Variants in EPM2A observed in about 807,000 individuals in gnomAD.
EPM2A encodes the protein EPM2A glucan phosphatase, laforin.
In EPM2A, 21 loss-of-function variants were observed where a neutral mutation model predicts 26.5. The ratio of observed to expected loss-of-function variants is 0.79; its 90% CI spans 0.56 to 1.14. EPM2A has a LOEUF of 1.14. Ranked by LOEUF, EPM2A falls within the 50% of genes most tolerant of loss-of-function variation. The pLI is 0.00. For synonymous variants in EPM2A, 217 were observed against 177.6 expected (o/e 1.22, Z -1.76); for missense variants, 458 against 440.8 (o/e 1.04, Z -0.35).
At chr6:145,539,688 A>G (rs951550993) in intron 2 of EPM2A, among the ~76,000 whole-genome samples, 2 of 152,230 alleles carry the variant, frequency 1.3e-5, no homozygotes, top group Non-Finnish European at 2.9e-5. Context: ...TCCAAAGAAG[A>G]AACAAGATAA....
intron 2 of EPM2A, among the ~76,000 whole-genome samples, chr6:145,561,515 A>C (rs1562382806): frequency 6.6e-6 from 1 of 152,170 alleles, no homozygotes; most frequent in Non-Finnish European, 1.5e-5. Context: ...CACTGGAACA[A>C]AACAAGGGAA....
rs951048264 is a variant in EPM2A at position 145,449,380 on chromosome 6, T to C, written c.555+53142A>G. ...CAACCAGATGCCCCCTTCAATGTAG[T>C]CTTATTTTTATTTACACAGAAAAGT... On this transcript the variant is annotated intron_variant, in intron 4 of 4. Coordinates refer to the EPM2A transcript ENST00000638717. 1.2e-4 allele frequency among the ~76,000 whole-genome samples: 18 copies of C among 152,198 alleles called. 1 individual carries two copies. Among genetic ancestry groups the C allele is most frequent in the African/African-American group, 3.6e-4 (15 of 41,450 alleles).
chr6:145,498,831 A>T (rs1307854353), downstream of EPM2A, among the ~76,000 whole-genome samples: 1 of 152,182 alleles, frequency 6.6e-6, no homozygotes. Flanking sequence ...CCACTCCATC[A>T]GAGTTTCTTT....
intron 2 of EPM2A, among the ~76,000 whole-genome samples, chr6:145,509,046 T>A (rs1605805): frequency 0.092 from 13,977 of 152,002 alleles, 788 homozygotes; most frequent in East Asian, 0.17. Context: ...GAAGAAAAAA[T>A]TATTTTTAAA....
At chr6:145,465,359 T>C (rs1018440324) in intron 4 of EPM2A, among the ~76,000 whole-genome samples, 1 of 151,198 alleles carries the variant, frequency 6.6e-6, no homozygotes, top group Non-Finnish European at 1.5e-5. Context: ...GTTATTCTAG[T>C]TATACATTCT....
At chr6:145,430,443 T>C (rs1049712261) in intron 4 of EPM2A, among the ~76,000 whole-genome samples, 7 of 150,386 alleles carry the variant, frequency 4.7e-5, no homozygotes, top group African/African-American at 1.7e-4. Context: ...CTACTAAAAA[T>C]ACAAAAACTT....
At chr6:145,465,828 A>G (rs1010400723) in intron 4 of EPM2A, among the ~76,000 whole-genome samples, 1 of 152,096 alleles carries the variant, frequency 6.6e-6, no homozygotes, top group Non-Finnish European at 1.5e-5. Flanking sequence ...CTCAGAAATA[A>G]CGCCGCATAT....
chr6:145,417,375 C>T (rs954566231), intron 4 of EPM2A, among the ~76,000 whole-genome samples: 1 of 152,186 alleles, frequency 6.6e-6, no homozygotes, highest in Non-Finnish European at 1.5e-5. Flanking sequence ...TGCCTTGACC[C>T]ATTAGCATCT....
intron 2 of EPM2A, among the ~76,000 whole-genome samples, chr6:145,537,395 T>C (rs1048079979): frequency 6.6e-6 from 1 of 152,190 alleles, no homozygotes. Flanking sequence ...CTACGGTGAT[T>C]AGACACAAAT....
chr6:145,643,542 CAT>C (rs1231917241), intron 2 of EPM2A, among the ~76,000 whole-genome samples: 11 of 151,934 alleles, frequency 7.2e-5, no homozygotes, highest in African/African-American at 2.7e-4. Flanking sequence ...AAATTTAACT[CAT>C]ATAGAAATAT....
At chr6:145,650,465 T>A (rs1182997449) in intron 2 of EPM2A, among the ~76,000 whole-genome samples, 1 of 151,414 alleles carries the variant, frequency 6.6e-6, no homozygotes, top group Non-Finnish European at 1.5e-5. Context: ...GGCACAAGGA[T>A]CACTTGAACC....
chr6:145,386,777 G>A (rs951032936), intron 4 of EPM2A, among the ~76,000 whole-genome samples: 6 of 152,088 alleles, frequency 3.9e-5, no homozygotes, highest in African/African-American at 1.4e-4. Flanking sequence ...TTAGAAACCA[G>A]GGATATGAGC....
In EPM2A at chr6:145,549,264, A is replaced by G. The variant is rs575434666; in HGVS notation, c.341-46689T>C. 5.9e-5 allele frequency among the ~76,000 whole-genome samples: 9 copies of G among 152,250 alleles called. No individual in the cohort carries two copies. The East Asian group carries it at 1.2e-3, about 20-fold the overall frequency. ...ATCTATCTGTTAAAGACAAAAGGCA[A>G]TTTTACTCCAAATGCCATCCTTATT... On this transcript the variant is annotated intron_variant, in intron 2 of 3. Transcript: ENST00000450221.
chr6:145,722,128 C>G (rs896152319), intron 1 of EPM2A, among the ~76,000 whole-genome samples: 3 of 152,104 alleles, frequency 2.0e-5, no homozygotes, highest in African/African-American at 4.8e-5. Context: ...AATTTATACA[C>G]CTGGATTATT....
chr6:145,442,053 G>A (rs1297331408), intron 4 of EPM2A, among the ~76,000 whole-genome samples: 2 of 152,130 alleles, frequency 1.3e-5, no homozygotes, highest in African/African-American at 4.8e-5. Context: ...AACATAACAA[G>A]AGTCATCTTT....
chr6:145,444,756 T>C (rs1172689216), intron 4 of EPM2A, among the ~76,000 whole-genome samples: 1 of 152,220 alleles, frequency 6.6e-6, no homozygotes, highest in East Asian at 1.9e-4. Context: ...GCATGTCTCA[T>C]AACTTTTTGT....
At chr6:145,529,720 T>C (rs1211863618) in intron 2 of EPM2A, among the ~76,000 whole-genome samples, 2 of 152,180 alleles carry the variant, frequency 1.3e-5, no homozygotes, top group African/African-American at 4.8e-5. Context: ...ATGCAAAAGG[T>C]TGGCAACACA....
At chr6:145,567,063 C>A (rs1244958429) in intron 2 of EPM2A, among the ~76,000 whole-genome samples, 1 of 152,150 alleles carries the variant, frequency 6.6e-6, no homozygotes, top group Admixed American at 6.5e-5. Flanking sequence ...TAGGCCCCAT[C>A]CTATTGAGTC....
At chr6:145,528,297 A>G (rs921926839) in intron 2 of EPM2A, among the ~76,000 whole-genome samples, 3 of 152,180 alleles carry the variant, frequency 2.0e-5, no homozygotes, top group Non-Finnish European at 2.9e-5. Flanking sequence ...AATGTAGAGG[A>G]AGAGCCTCAT....
Sources: allele counts gnomAD v4.1 joint callset (sites outside exome capture counted in the v4.1 genomes callset), GRCh38; gene constraint gnomAD v4.1.1; transcripts MANE v1.5; gene names NCBI Gene and HGNC (gene_info 2026-07-23, HGNC 2026-07-21).